Variants in MAGEC1 observed in about 807,000 individuals in gnomAD.
The protein encoded by MAGEC1 is MAGE family member C1, also known as melanoma-associated antigen C1.
A neutral mutation model predicts 1.5 loss-of-function variants in MAGEC1; 3 were observed. The ratio of observed to expected loss-of-function variants is 1.97; its 90% confidence interval spans 0.90 to 5.10. The LOEUF is 5.10. Ranked by LOEUF, MAGEC1 falls within the 30% of genes most tolerant of loss-of-function variation. The pLI is 0.02. For synonymous variants in MAGEC1, 357 were observed against 310.4 expected (o/e 1.15, Z -1.58); for missense variants, 985 against 803.1 (o/e 1.23, Z -2.74).
chrX:141,908,458 C>T lies in MAGEC1; in HGVS notation c.3054C>T (p.Val1018=). The change falls in exon 4 of 4, where the codon GTC becomes GTT. Residue 1018 remains valine, a synonymous_variant. Coordinates refer to ENST00000285879, the MANE Select transcript of MAGEC1 (RefSeq NM_005462.5). ...AGGGCACCTATGCCTCTGAGGAGGTCATCTGGGATGTGCTGAGTGGAATAG... is the reference window on the plus strand; with the variant it reads ...AGGGCACCTATGCCTCTGAGGAGGTTATCTGGGATGTGCTGAGTGGAATAG... The part of the protein sequence containing the change: ...FIKGTYASEE[V]IWDVLSGIGV... 5.8e-6 allele frequency: 7 copies of T among 1,207,881 alleles called. No individual in the cohort carries two copies. Among genetic ancestry groups the T allele is most frequent in the Non-Finnish European group, 6.7e-6 (6 of 893,840 alleles).
At chrX:141,905,248 A>T (rs900039891) in intron 3 of MAGEC1, among the ~76,000 whole-genome samples, 161 bp from the exon 4 acceptor site, 23 of 112,224 alleles carry the variant, frequency 2.0e-4, no homozygotes, top group African/African-American at 6.8e-4. Flanking sequence ...TCCAGAAGGC[A>T]ATTTTCATAC....
Position 141,908,614 on chromosome X carries a change from G to A in MAGEC1, c.3210G>A (p.Leu1070=), listed in dbSNP as rs1404483637. The change falls in exon 4 of 4, where the codon CTG becomes CTA. Residue 1070 remains leucine, a synonymous_variant. Coordinates refer to ENST00000285879, the MANE Select transcript of MAGEC1 (RefSeq NM_005462.5). ...CTTCTCCTCCTCGTTACGAATTCCT[G>A]TGGGGTCCAAGAGCTCATTCAGAAG... is the stretch of plus-strand genomic sequence containing the variant. ...PNSSPPRYEF[L]WGPRAHSEVI... is the part of the protein sequence containing the mutation. 2.5e-6 allele frequency: 3 copies of A among 1,210,492 alleles called. No individual in the cohort carries two copies. The highest frequency in any genetic ancestry group is 1.8e-5 in the South Asian group (1 of 56,780).
At position 141,908,530 on chromosome X, in the gene MAGEC1, G is replaced by T. The variant is rs766343768; in HGVS notation, c.3126G>T (p.Glu1042Asp). Reference protein sequence around the residue: ...REHFAFGEPRELLTKVWVQEH... With the variant: ...REHFAFGEPRDLLTKVWVQEH... ...ACTTTGCCTTTGGGGAGCCCAGGGA[G>T]CTCCTCACTAAAGTTTGGGTGCAGG... The change falls in exon 4 of 4, where the codon GAG (glutamate) becomes GAT (aspartate). Residue 1042 changes from glutamate to aspartate, a missense_variant. Transcript: ENST00000285879. 1.7e-6 allele frequency: 2 copies of T among 1,193,678 alleles called. No individual in the cohort carries two copies. Among genetic ancestry groups the T allele is most frequent in the South Asian group, 3.7e-5 (2 of 53,611 alleles).
Position 141,905,854 on chromosome X carries a change from T to C in MAGEC1, c.450T>C (p.Ser150=). ...LLSIFQSSPE[S]TQSPFEGFPQ... is the part of the protein sequence containing the mutation. ...GTATTTTCCAGAGTTCCCCTGAGAG[T>C]ACTCAAAGTCCTTTTGAGGGTTTTC... The change falls in exon 4 of 4, where the codon AGT becomes AGC. Residue 150 remains serine (S), a synonymous_variant. Transcript: ENST00000285879. 1 of 1,195,685 alleles carries C rather than the reference T, an allele frequency of 8.4e-7. No individual in the cohort carries two copies. Among genetic ancestry groups the C allele is most frequent in the Non-Finnish European group, 1.1e-6 (1 of 886,502 alleles).
rs757756366 is a variant in MAGEC1, at chrX:141,905,805, CCTT to C, written c.407_409del (p.Phe136del). The C allele has an allele frequency of 4.1e-6, 5 of 1,212,200 alleles. No homozygotes were observed. The South Asian group carries it at 5.3e-5, about 13-fold the overall frequency. Reference sequence around the variant, plus strand: ...TCTCCTCTGCAGAATCCTGCGAGTTCCTTCTTCTCCTCTGCTTTATTGAGTATT... The same window carrying C: ...TCTCCTCTGCAGAATCCTGCGAGTTCCTTCTCCTCTGCTTTATTGAGTATT... On this transcript the variant is annotated inframe_deletion, in exon 4 of 4. Transcript: ENST00000285879.
At chrX:141,905,147 A>G (rs376041772) in intron 3 of MAGEC1, 71 bp downstream of exon 3, 6 of 1,161,308 alleles carry the variant, frequency 5.2e-6, no homozygotes, top group Non-Finnish European at 7.1e-6. Context: ...CATCATACCT[A>G]TTCGTGTTCA....
intron 2 of MAGEC1, 44 bp from the exon 3 acceptor site, chrX:141,904,926 C>A (rs1488199600): frequency 6.6e-6 from 6 of 907,313 alleles, no homozygotes; most frequent in Non-Finnish European, 7.9e-6. Context: ...TCAGGCTCTG[C>A]CTGCCAGCTG....
Position 141,906,660 on chromosome X carries a change from C to T in MAGEC1, c.1256C>T (p.Thr419Ile), listed in dbSNP as rs1926914782. The T allele has an allele frequency of 3.3e-6, 4 of 1,195,867 alleles. No individual in the cohort carries two copies. The East Asian group carries it at 9.0e-5, about 27-fold the overall frequency. Residue 419 changes from threonine (T) to isoleucine (I), a missense_variant, in exon 4 of 4, where the codon ACT becomes ATT. Physicochemically the swap from Thr to Ile is moderately conservative, Grantham distance 89. Coordinates refer to ENST00000285879, the MANE Select transcript of MAGEC1 (RefSeq NM_005462.5). The stretch of plus-strand genomic sequence containing the variant: ...CCTATGACCTCCTCCTTCTCCTCTA[C>T]TTTATTGAGTATTTTACAGAGTTCT... ...QIPMTSSFSSTLLSILQSSPE... is the reference protein window; with the variant it reads ...QIPMTSSFSSILLSILQSSPE...
rs180723159 is a variant in MAGEC1 at position 141,906,878 on chromosome X, T to C, written c.1474T>C (p.Leu492=). 21 of 1,207,204 alleles carry C rather than the reference T, an allele frequency of 1.7e-5. No individual in the cohort carries two copies. The East Asian group carries it at 3.0e-4, about 17-fold the overall frequency. The part of the protein sequence containing the change: ...VSSSSSSSTL[L]SLFQSSPECT... ...CTCCTCCTCCTCCTCCTCCACTTTA[T>C]TGAGTCTTTTCCAGAGTTCCCCTGA... The change falls in exon 4 of 4, where the codon TTG becomes CTG. Residue 492 remains leucine (L), a synonymous_variant. Coordinates refer to ENST00000285879, the MANE Select transcript of MAGEC1 (RefSeq NM_005462.5).
In MAGEC1 at chrX:141,906,151, C is replaced by A. The variant is rs1258795628; in HGVS notation, c.747C>A (p.Phe249Leu). The A allele has an allele frequency of 1.4e-6, 1 of 706,410 alleles. No individual in the cohort carries two copies. Among genetic ancestry groups the A allele is most frequent in the African/African-American group, 2.5e-5 (1 of 40,767 alleles). 58.2% of individuals were successfully genotyped at this position (706,410 alleles called of 1,213,427 possible). The stretch of plus-strand genomic sequence containing the variant: ...CCTCCTCCACTTTACTGAGTCTTTT[C>A]CAGAGTTTCTCTGAGAGAACTCAGA... ...PSSSSTLLSL[F>L]QSFSERTQST... The change falls in exon 4 of 4, where the codon TTC becomes TTA. Residue 249 changes from phenylalanine (F) to leucine (L), a missense_variant. By Grantham distance (22) the Phe-to-Leu change is conservative. Transcript: ENST00000285879.
rs781101047 is a variant in MAGEC1, at chrX:141,907,980, C to A, written c.2576C>A (p.Ser859Tyr). ...CTCCAGAGTCCTGTGATCTCCTTCTCCTCCTCCACTTCATTGAGCCCATTC... is the reference window on the plus strand; with the variant it reads ...CTCCAGAGTCCTGTGATCTCCTTCTACTCCTCCACTTCATTGAGCCCATTC... ...SPLQSPVISFSSSTSLSPFSE... is the reference protein window; with the variant it reads ...SPLQSPVISFYSSTSLSPFSE... The change falls in exon 4 of 4, where the codon TCC becomes TAC. Residue 859 changes from serine (S) to tyrosine (Y), a missense_variant. Ser to Tyr is a moderately radical substitution (Grantham distance 144, BLOSUM62 -2). Coordinates refer to ENST00000285879, the MANE Select transcript of MAGEC1 (RefSeq NM_005462.5). The A allele has an allele frequency of 4.1e-6, 5 of 1,211,915 alleles. No homozygotes were observed. Among genetic ancestry groups the A allele is most frequent in the Middle Eastern group, 2.3e-4 (1 of 4,353 alleles).
chrX:141,908,925 G>A lies in MAGEC1; in HGVS notation c.*92G>A. 1.3e-6 allele frequency: 1 copy of A among 791,508 alleles called. No individual in the cohort carries two copies. The highest frequency in any genetic ancestry group is 3.4e-5 in the Admixed American group (1 of 29,675). 65.2% of individuals were successfully genotyped at this position (791,508 alleles called of 1,213,427 possible). On this transcript the variant is annotated 3_prime_UTR_variant, in exon 4 of 4. Transcript: ENST00000285879. ...TGGTTGAGGCTGGAGAGAACACAGT[G>A]CTATTTGCATTTCTGTTCCATATGG...
chrX:141,903,918 T>G lies in MAGEC1; in HGVS notation c.-262T>G. ...AGTCTGAAGGACCTGAGGCATTTTG[T>G]GACGAGGATCGTCTCAGGTCAGCGG... On this transcript the variant is annotated 5_prime_UTR_variant, in exon 1 of 4. Transcript: ENST00000285879. The G allele has an allele frequency of 7.3e-6, 1 of 136,452 alleles. No individual in the cohort carries two copies. Among genetic ancestry groups the G allele is most frequent in the East Asian group, 1.8e-4 (1 of 5,461 alleles). The allele number at this position is 136,452 out of a possible 1,213,427, so 11.2% of individuals were successfully genotyped here. A position where few individuals can be genotyped will look rare whatever the true frequency, so the allele number is the denominator to read the frequency against.
intron 1 of MAGEC1, 126 bp downstream of exon 1, chrX:141,904,104 C>A (rs2018161484): frequency 9.0e-6 from 1 of 111,619 alleles, no homozygotes; most frequent in African/African-American, 3.3e-5. Context: ...GGCTGAGGGA[C>A]GTGTCCTCAC....
At chrX:141,904,350 G>A (rs763867403) in intron 1 of MAGEC1, among the ~76,000 whole-genome samples, 82 of 110,697 alleles carry the variant, frequency 7.4e-4, no homozygotes, top group African/African-American at 2.7e-3. Context: ...CCCATGGCAA[G>A]TCAGCATGGG....
intron 3 of MAGEC1, 57 bp from the exon 4 acceptor site, chrX:141,905,352 C>T (rs1238407920): frequency 2.2e-5 from 24 of 1,070,433 alleles, no homozygotes; most frequent in Non-Finnish European, 2.8e-5. Context: ...TTCCCCTCGT[C>T]CTCCTCCTGT....
In MAGEC1 at chrX:141,907,718, C is replaced by T; in HGVS notation, c.2314C>T (p.Gln772Ter). 1 of 1,210,768 alleles carries T rather than the reference C, an allele frequency of 8.3e-7. No homozygotes were observed. Among genetic ancestry groups the T allele is most frequent in the Non-Finnish European group, 1.1e-6 (1 of 895,223 alleles). The change falls in exon 4 of 4, where the codon CAG (glutamine) becomes TAG (stop). Residue 772 changes from glutamine (Q) to a stop codon, truncating the protein, a stop_gained. Coordinates refer to ENST00000285879, the MANE Select transcript of MAGEC1 (RefSeq NM_005462.5). LOFTEE classifies it low-confidence loss of function (END_TRUNC). ...SPQSPPEGPA[Q>*]SPLQRPVSSF... Reference sequence around the variant, plus strand: ...TCAGAGTCCTCCTGAGGGGCCTGCTCAGTCTCCTCTCCAGAGACCTGTCAG... The same window carrying T: ...TCAGAGTCCTCCTGAGGGGCCTGCTTAGTCTCCTCTCCAGAGACCTGTCAG...
At position 141,908,868 on chromosome X, in the gene MAGEC1, G is replaced by A. The variant is rs758036710; in HGVS notation, c.*35G>A. 1.8e-6 allele frequency: 2 copies of A among 1,126,676 alleles called. No homozygotes were observed. The highest frequency in any genetic ancestry group is 2.4e-6 in the Non-Finnish European group (2 of 844,382). The allele number at this position is 1,126,676 out of a possible 1,213,427, so 92.9% of individuals were successfully genotyped here. On this transcript the variant is annotated 3_prime_UTR_variant, in exon 4 of 4. Coordinates refer to ENST00000285879, the MANE Select transcript of MAGEC1 (RefSeq NM_005462.5). ...CAGATTCTTCCCTCTGAGTTTGAAG[G>A]GGGCAGTCGAGTTTCTACGTGGTGG...
In MAGEC1 at chrX:141,908,598, C is replaced by A; in HGVS notation, c.3194C>A (p.Pro1065His). ...EYREVPNSSP[P>H]RYEFLWGPRA... Reference sequence around the variant, plus strand: ...CGGGAGGTGCCCAACTCTTCTCCTCCTCGTTACGAATTCCTGTGGGGTCCA... The same window carrying A: ...CGGGAGGTGCCCAACTCTTCTCCTCATCGTTACGAATTCCTGTGGGGTCCA... The change falls in exon 4 of 4, where the codon CCT becomes CAT. Residue 1065 changes from proline (P) to histidine (H), a missense_variant. Physicochemically the swap from Pro to His is moderately conservative, Grantham distance 77. Coordinates refer to ENST00000285879, the MANE Select transcript of MAGEC1 (RefSeq NM_005462.5). 8.3e-7 allele frequency: 1 copy of A among 1,208,905 alleles called. No individual in the cohort carries two copies. Among genetic ancestry groups the A allele is most frequent in the Non-Finnish European group, 1.1e-6 (1 of 894,002 alleles).
Sources: allele counts gnomAD v4.1 joint callset (sites outside exome capture counted in the v4.1 genomes callset), GRCh38; gene constraint gnomAD v4.1.1; transcripts MANE v1.5; gene names NCBI Gene and HGNC (gene_info 2026-07-23, HGNC 2026-07-21).